Variants in PAPPA2 observed in about 807,000 individuals in gnomAD.
The protein encoded by PAPPA2 is pappalysin-2.
PAPPA2 carries 86 observed loss-of-function variants against 176.4 expected under a neutral mutation model. The ratio of observed to expected loss-of-function variants is 0.49; its 90% CI spans 0.41 to 0.58. PAPPA2 has a LOEUF of 0.58. PAPPA2 is among the 20% of genes least tolerant of loss of function. The probability of loss-of-function intolerance (pLI) is 0.00; values close to 1 mark genes in which losing one functional copy is unlikely to be tolerated. For missense variants in PAPPA2, 2,073 were observed against 2,256.9 expected, an observed-to-expected ratio of 0.92 and a Z score of 1.65; for synonymous variants, 809 against 852.2, an observed-to-expected ratio of 0.95 and a Z score of 0.88.
At chr1:176,670,608 G>A (rs1006127242) in intron 3 of PAPPA2, among the ~76,000 whole-genome samples, 1 of 152,156 alleles carries the variant, frequency 6.6e-6, no homozygotes, top group African/African-American at 2.4e-5. Flanking sequence ...AGAGTTGGAA[G>A]GCCTTCTTCA....
intron 3 of PAPPA2, among the ~76,000 whole-genome samples, chr1:176,618,882 T>C (rs1334368513): frequency 6.6e-6 from 1 of 152,136 alleles, no homozygotes; most frequent in African/African-American, 2.4e-5. Context: ...AAATTATAAC[T>C]AGAAGTAGCT....
intron 3 of PAPPA2, among the ~76,000 whole-genome samples, chr1:176,603,698 A>G (rs993651203): frequency 1.3e-5 from 2 of 151,800 alleles, no homozygotes; most frequent in East Asian, 3.9e-4. Flanking sequence ...CAAATTAGCT[A>G]CCTCATTTGT....
chr1:176,506,347 T>C (rs745854948), intron 1 of PAPPA2, among the ~76,000 whole-genome samples: 18 of 152,058 alleles, frequency 1.2e-4, no homozygotes, highest in Non-Finnish European at 2.2e-4. Context: ...TTTTTTTTCT[T>C]CCATATGAAT....
intron 1 of PAPPA2, among the ~76,000 whole-genome samples, chr1:176,486,618 G>A (rs935908267): frequency 2.6e-5 from 4 of 152,138 alleles, no homozygotes; most frequent in African/African-American, 9.7e-5. Flanking sequence ...AGCAAACTGA[G>A]GGCTTTCAAA....
chr1:176,744,311 A>G (rs947253401), intron 14 of PAPPA2, among the ~76,000 whole-genome samples: 2 of 151,848 alleles, frequency 1.3e-5, no homozygotes, highest in African/African-American at 4.8e-5. Context: ...CCTTTCTTTT[A>G]TTTTTAACCT....
chr1:176,690,073 T>C (rs909740879), intron 4 of PAPPA2, 64 bp from the exon 5 acceptor site: 1 of 1,381,242 alleles, frequency 7.2e-7, no homozygotes, highest in Non-Finnish European at 1.0e-6. Flanking sequence ...TCAGAAAACA[T>C]AATTAAGGAT....
intron 12 of PAPPA2, among the ~76,000 whole-genome samples, chr1:176,732,162 T>C (rs1662190350): frequency 6.6e-6 from 1 of 152,182 alleles, no homozygotes; most frequent in Non-Finnish European, 1.5e-5. Flanking sequence ...TTTGGATTAT[T>C]TGACTGTGTT....
chr1:176,710,364 C>G (rs1032436696), intron 11 of PAPPA2, among the ~76,000 whole-genome samples, 188 bp downstream of exon 11: 7 of 152,158 alleles, frequency 4.6e-5, no homozygotes, highest in Non-Finnish European at 1.0e-4. Flanking sequence ...GTCACTTAAC[C>G]TCTCTGGGCC....
chr1:176,557,416 C>T (rs1651386586), intron 2 of PAPPA2, among the ~76,000 whole-genome samples, 175 bp downstream of exon 2: 2 of 152,062 alleles, frequency 1.3e-5, no homozygotes, highest in South Asian at 2.1e-4. Flanking sequence ...TTCCAGACAC[C>T]ATCAAAAAGG....
chr1:176,825,211 C>A (rs1571382838), intron 21 of PAPPA2, among the ~76,000 whole-genome samples: 1 of 152,144 alleles, frequency 6.6e-6, no homozygotes, highest in Non-Finnish European at 1.5e-5. Flanking sequence ...TACCAAATAA[C>A]TTACGTGTTT....
rs1289754556 is a variant in PAPPA2 at position 176,835,454 on chromosome 1, A to AC, written c.5203-4718dup. Among the ~76,000 whole-genome samples the AC allele has an allele frequency of 3.3e-5, 5 of 152,288 alleles. No individual in the cohort carries two copies. The East Asian group carries it at 9.6e-4, about 29-fold the overall frequency. On this transcript the variant is annotated intron_variant, in intron 21 of 22. Transcript: ENST00000367662. ...CTGGATCACATAATTTACATTCCCA[A>AC]CAACAGTGTGAAAGGGTTCCCTTTC...
chr1:176,647,690 T>C (rs906260619), intron 3 of PAPPA2, among the ~76,000 whole-genome samples: 6 of 151,768 alleles, frequency 4.0e-5, no homozygotes, highest in Admixed American at 2.0e-4. Flanking sequence ...CTATTGTATG[T>C]TTTTGGTACC....
intron 21 of PAPPA2, among the ~76,000 whole-genome samples, chr1:176,829,522 TGCC>T (rs1667005078): frequency 6.6e-6 from 1 of 152,184 alleles, no homozygotes; most frequent in Non-Finnish European, 1.5e-5. Context: ...AGCTCAGGCC[TGCC>T]TCAGCCTCCC....
At chr1:176,765,358 T>A (rs1663914107) in intron 14 of PAPPA2, among the ~76,000 whole-genome samples, 1 of 152,172 alleles carries the variant, frequency 6.6e-6, no homozygotes, top group Non-Finnish European at 1.5e-5. Context: ...CATCCCATGA[T>A]CTATTCATTT....
At chr1:176,607,054 A>G (rs61821149) in intron 3 of PAPPA2, among the ~76,000 whole-genome samples, 11,364 of 151,926 alleles carry the variant, frequency 0.075, 501 homozygotes, top group East Asian at 0.21. Context: ...TTTTATTTTT[A>G]TTTTTATTAT....
intron 21 of PAPPA2, among the ~76,000 whole-genome samples, chr1:176,835,424 G>T (rs912442171): frequency 1.3e-5 from 2 of 152,172 alleles, no homozygotes; most frequent in African/African-American, 4.8e-5. Flanking sequence ...CCAGTGGTGG[G>T]ATTGCTGGAT....
At chr1:176,631,863 A>C (rs1656357744) in intron 3 of PAPPA2, among the ~76,000 whole-genome samples, 1 of 152,216 alleles carries the variant, frequency 6.6e-6, no homozygotes, top group Non-Finnish European at 1.5e-5. Flanking sequence ...GGAAAGAGCC[A>C]GGAGAATATA....
intron 21 of PAPPA2, among the ~76,000 whole-genome samples, chr1:176,816,152 G>GTATATATATATA (rs373739173): frequency 2.1e-4 from 9 of 42,278 alleles, no homozygotes; most frequent in Non-Finnish European, 3.5e-4. Flanking sequence ...CTTTCACAGT[G>GTATATATATATA]TATATATATA....
At chr1:176,563,882 A>T (rs1184952362) in intron 2 of PAPPA2, among the ~76,000 whole-genome samples, 1 of 152,122 alleles carries the variant, frequency 6.6e-6, no homozygotes, top group Admixed American at 6.5e-5. Flanking sequence ...TTCCTGAGAG[A>T]CAGTCATTGA....
Sources: gnomAD v4.1 joint callset for allele counts (sites outside exome capture counted in the v4.1 genomes callset) on GRCh38, gnomAD v4.1.1 for gene constraint, MANE v1.5 for transcripts, NCBI Gene and HGNC (gene_info 2026-07-23, HGNC 2026-07-21) for gene names.